ATP8A2: variants seen among roughly 807,000 people sequenced by gnomAD.
ATP8A2 encodes the protein ATPase phospholipid transporting 8A2, also known as phospholipid-transporting ATPase IB.
Under a neutral mutation model 165.6 loss-of-function variants are expected in ATP8A2, and 100 were observed. That is an observed-to-expected ratio of 0.60 (90% CI 0.51 to 0.71). The LOEUF is 0.71. ATP8A2 is among the 30% of genes least tolerant of loss of function. ATP8A2 has a pLI of 0.00. For missense variants in ATP8A2, 1,227 were observed against 1,479.5 expected (o/e 0.83, Z 2.80); for synonymous variants, 543 against 548.8 (o/e 0.99, Z 0.15).
At chr13:25,700,098 T>A (rs1424841089) in intron 25 of ATP8A2, among the ~76,000 whole-genome samples, 1 of 152,138 alleles carries the variant, frequency 6.6e-6, no homozygotes, top group Non-Finnish European at 1.5e-5. Flanking sequence ...GAGGACAAAT[T>A]CAAATGTGTT....
intron 24 of ATP8A2, among the ~76,000 whole-genome samples, chr13:25,617,983 C>T (rs1278970408): frequency 1.3e-5 from 2 of 152,036 alleles, no homozygotes; most frequent in African/African-American, 4.8e-5. Context: ...TGGCTAGTTA[C>T]CCGTAGTGTA....
intron 1 of ATP8A2, among the ~76,000 whole-genome samples, chr13:25,420,060 G>A (rs1010754239): frequency 3.3e-5 from 5 of 152,146 alleles, no homozygotes; most frequent in East Asian, 3.8e-4. Context: ...AGCTCTAGGC[G>A]CTTTTATTGA....
chr13:25,633,115 C>A (rs11842100), intron 24 of ATP8A2, among the ~76,000 whole-genome samples: 5,259 of 152,262 alleles, frequency 0.035, 158 homozygotes, highest in East Asian at 0.13. Flanking sequence ...CCTGTTAGCA[C>A]AGAAAGATGC....
intron 2 of ATP8A2, among the ~76,000 whole-genome samples, chr13:25,506,696 A>G (rs1268104013): frequency 6.6e-6 from 1 of 152,096 alleles, no homozygotes; most frequent in Non-Finnish European, 1.5e-5. Flanking sequence ...CATCTGTGAC[A>G]CTGTGACACT....
intron 16 of ATP8A2, among the ~76,000 whole-genome samples, chr13:25,569,715 T>G (rs1456960761): frequency 6.6e-6 from 1 of 152,220 alleles, no homozygotes; most frequent in Non-Finnish European, 1.5e-5. Flanking sequence ...TCAACTGCAA[T>G]TCAGAGAACT....
intron 27 of ATP8A2, among the ~76,000 whole-genome samples, chr13:25,814,796 A>T (rs906072419): frequency 1.3e-5 from 2 of 152,184 alleles, no homozygotes; most frequent in African/African-American, 4.8e-5. Flanking sequence ...CAGGTGGATC[A>T]CTTGAGCCAA....
intron 33 of ATP8A2, among the ~76,000 whole-genome samples, chr13:25,924,664 A>C (rs999884284): frequency 2.0e-5 from 3 of 152,038 alleles, no homozygotes; most frequent in African/African-American, 2.4e-5. Flanking sequence ...CTTAATGTAT[A>C]ATGATATTTT....
chr13:25,531,642 G>C (rs2038118007), intron 4 of ATP8A2, among the ~76,000 whole-genome samples: 1 of 151,624 alleles, frequency 6.6e-6, no homozygotes, highest in Admixed American at 6.6e-5. Context: ...AATCTGAAAT[G>C]CTTCAAAATC....
At position 25,829,668 on chromosome 13, in the gene ATP8A2, G is replaced by GTATATATATATA. The variant is rs71080203; in HGVS notation, c.2754+1518_2754+1529dup. On this transcript the variant is annotated intron_variant, in intron 28 of 36. Transcript: ENST00000381655. ...TGTTGTAGAGCCAAGGACAGGTGTG[G>GTATATATATATA]TATATATATATATATATATATATAT... 1.3e-3 allele frequency among the ~76,000 whole-genome samples: 82 copies of GTATATATATATA among 63,368 alleles called. 2 individuals are homozygous for GTATATATATATA. Among genetic ancestry groups the GTATATATATATA allele is most frequent in the Non-Finnish European group, 1.7e-3 (55 of 31,882 alleles). 41.6% of individuals were successfully genotyped at this position (63,368 alleles called of 152,430 possible).
chr13:25,996,528 T>A (rs1337146508), intron 35 of ATP8A2, among the ~76,000 whole-genome samples: 1 of 152,216 alleles, frequency 6.6e-6, no homozygotes, highest in Non-Finnish European at 1.5e-5. Context: ...TTCTTATTAT[T>A]ATTTTTTATT....
At chr13:25,528,296 T>C (rs892284862) in intron 2 of ATP8A2, among the ~76,000 whole-genome samples, 2 of 152,182 alleles carry the variant, frequency 1.3e-5, no homozygotes, top group African/African-American at 4.8e-5. Context: ...AAAGTGGTCT[T>C]CATATAACAT....
At chr13:25,940,247 G>A (rs1351247992) in intron 33 of ATP8A2, among the ~76,000 whole-genome samples, 3 of 151,924 alleles carry the variant, frequency 2.0e-5, no homozygotes, top group African/African-American at 4.8e-5. Flanking sequence ...GCTCTTCAGC[G>A]TCCTCCTCGC....
chr13:25,393,133 C>CTTTTCTT (rs2033306537), intron 1 of ATP8A2, among the ~76,000 whole-genome samples: 1 of 138,578 alleles, frequency 7.2e-6, no homozygotes, highest in African/African-American at 2.7e-5. Flanking sequence ...TATTTACATA[C>CTTTTCTT]TTTTTTTTTT....
chr13:25,451,084 G>A (rs2035211753), intron 1 of ATP8A2, among the ~76,000 whole-genome samples: 2 of 151,994 alleles, frequency 1.3e-5, no homozygotes, highest in African/African-American at 2.4e-5. Context: ...CTCCAATTAT[G>A]TAATGCATTA....
chr13:25,904,706 C>T (rs1593535484), intron 33 of ATP8A2, among the ~76,000 whole-genome samples: 2 of 152,214 alleles, frequency 1.3e-5, no homozygotes, highest in South Asian at 2.1e-4. Flanking sequence ...CTCACATCTC[C>T]CCCCGGTAAT....
intron 24 of ATP8A2, among the ~76,000 whole-genome samples, chr13:25,650,750 C>A (rs911578094): frequency 2.0e-5 from 3 of 151,990 alleles, no homozygotes; most frequent in Non-Finnish European, 2.9e-5. Context: ...TTGACATGAT[C>A]TTATGGTTTT....
intron 28 of ATP8A2, among the ~76,000 whole-genome samples, chr13:25,831,895 G>C (rs1354128425): frequency 6.6e-6 from 1 of 151,590 alleles, no homozygotes. Flanking sequence ...ATGAATGAAT[G>C]CTGTCCCAGA....
At chr13:25,975,742 T>G (rs897457486) in intron 35 of ATP8A2, among the ~76,000 whole-genome samples, 2 of 152,192 alleles carry the variant, frequency 1.3e-5, no homozygotes, top group Non-Finnish European at 2.9e-5. Flanking sequence ...GCTCAGAGTC[T>G]TTCTTTCCTG....
chr13:25,768,523 A>T (rs766559797), intron 25 of ATP8A2, among the ~76,000 whole-genome samples: 4 of 151,248 alleles, frequency 2.6e-5, no homozygotes, highest in African/African-American at 4.9e-5. Context: ...GGATGTAGGG[A>T]AGTCTTTTTT....
Sources: allele counts gnomAD v4.1 joint callset (sites outside exome capture counted in the v4.1 genomes callset), GRCh38; gene constraint gnomAD v4.1.1; transcripts MANE v1.5; gene names NCBI Gene and HGNC (gene_info 2026-07-23, HGNC 2026-07-21).